The following PCDH9 variants were observed in gnomAD, a reference collection of about 807,000 sequenced individuals.
PCDH9 encodes the protein protocadherin-9.
In PCDH9, 24 loss-of-function variants were observed where a neutral mutation model predicts 70.6. That is an observed-to-expected ratio of 0.34 (90% CI 0.25 to 0.48). The LOEUF is 0.48. Among genes scored for constraint, PCDH9 ranks in the 20% least tolerant of loss-of-function variants. The pLI, the probability that PCDH9 is intolerant of heterozygous loss-of-function variation, is 0.99. For synonymous variants in PCDH9, 562 were observed against 558.5 expected (o/e 1.01, Z -0.09); for missense variants, 1,281 against 1,503.6 (o/e 0.85, Z 2.45).
intron 3 of PCDH9, among the ~76,000 whole-genome samples, chr13:66,678,197 A>G (rs1211415420): frequency 6.6e-6 from 1 of 152,028 alleles, no homozygotes; most frequent in East Asian, 1.9e-4. Context: ...CATTGGCCTT[A>G]GCTTTCTCTT....
intron 3 of PCDH9, among the ~76,000 whole-genome samples, chr13:66,779,873 A>ATATATGTGTGTGTG (rs375882917): frequency 8.6e-6 from 1 of 115,878 alleles, no homozygotes; most frequent in Non-Finnish European, 1.7e-5. Context: ...ATATACATAT[A>ATATATGTGTGTGTG]TGTGTGTGTG....
chr13:66,446,069 T>C (rs73207673), intron 4 of PCDH9, among the ~76,000 whole-genome samples: 2,225 of 152,022 alleles, frequency 0.015, 21 homozygotes, highest in Non-Finnish European at 0.023. Context: ...GAAAGAATTA[T>C]AACGTTCAAA....
intron 4 of PCDH9, among the ~76,000 whole-genome samples, chr13:66,346,091 G>A (rs1050167213): frequency 7.2e-5 from 11 of 152,118 alleles, no homozygotes; most frequent in Admixed American, 2.0e-4. Context: ...ACTGGCAGGC[G>A]CAGTGATTTG....
chr13:66,639,520 A>G (rs1248919676), intron 3 of PCDH9, among the ~76,000 whole-genome samples: 1 of 152,224 alleles, frequency 6.6e-6, no homozygotes, highest in Non-Finnish European at 1.5e-5. Context: ...ACTAGCATCT[A>G]TCATGTGAAA....
In PCDH9 at chr13:66,566,519, A is replaced by G. The variant is rs146967775; in HGVS notation, c.3340+64691T>C. 6.2e-4 allele frequency among the ~76,000 whole-genome samples: 95 copies of G among 152,322 alleles called. No homozygotes were observed. The East Asian group carries it at 0.018, about 28-fold the overall frequency. On this transcript the variant is annotated intron_variant, in intron 4 of 4. Transcript: ENST00000377865. ...ATAGATCACTTCTCTTTCTTCACAC[A>G]AAACAGCTAGGCAGTGTAAAGGTAA...
chr13:67,002,606 A>G (rs984639938), intron 2 of PCDH9, among the ~76,000 whole-genome samples: 1 of 151,932 alleles, frequency 6.6e-6, no homozygotes, highest in Non-Finnish European at 1.5e-5. Context: ...TTTAGAGATC[A>G]ATAATGATCT....
intron 4 of PCDH9, among the ~76,000 whole-genome samples, chr13:66,394,882 G>T (rs1957076054): frequency 6.6e-6 from 1 of 152,044 alleles, no homozygotes; most frequent in South Asian, 2.1e-4. Flanking sequence ...AAAATGAAGA[G>T]AATATTCTAT....
At chr13:66,536,934 C>T (rs892467860) in intron 4 of PCDH9, among the ~76,000 whole-genome samples, 13 of 152,162 alleles carry the variant, frequency 8.5e-5, no homozygotes, top group South Asian at 6.3e-4. Flanking sequence ...ACTCAGTCAA[C>T]GAATTTTAGG....
At chr13:66,983,881 C>G (rs1298390732) in intron 2 of PCDH9, among the ~76,000 whole-genome samples, 1 of 151,662 alleles carries the variant, frequency 6.6e-6, no homozygotes, top group Non-Finnish European at 1.5e-5. Context: ...CACCCTCAGG[C>G]AGGCCCCAGT....
intron 4 of PCDH9, among the ~76,000 whole-genome samples, chr13:66,500,940 A>G (rs1959173928): frequency 6.6e-6 from 1 of 152,118 alleles, no homozygotes. Flanking sequence ...GAGATTAAGC[A>G]TAACAAAAAA....
chr13:66,386,216 T>C (rs1381309931), intron 4 of PCDH9, among the ~76,000 whole-genome samples: 1 of 152,188 alleles, frequency 6.6e-6, no homozygotes, highest in East Asian at 1.9e-4. Context: ...TATAATTCAC[T>C]ATTATTTTAT....
intron 3 of PCDH9, among the ~76,000 whole-genome samples, chr13:66,653,925 G>A (rs2077888632): frequency 6.7e-6 from 1 of 149,062 alleles, no homozygotes. Flanking sequence ...CTGAGATCGT[G>A]CCACTGCACT....
chr13:67,122,814 T>C (rs2086903287), intron 2 of PCDH9, among the ~76,000 whole-genome samples: 1 of 150,296 alleles, frequency 6.7e-6, no homozygotes, highest in South Asian at 2.1e-4. Flanking sequence ...ATAATAATCC[T>C]TTTTAGCTCA....
chr13:66,870,946 T>C (rs2139507604), intron 3 of PCDH9, among the ~76,000 whole-genome samples: 1 of 152,284 alleles, frequency 6.6e-6, no homozygotes, highest in African/African-American at 2.4e-5. Context: ...CACTTATGTT[T>C]ACTGCGGCAC....
intron 2 of PCDH9, among the ~76,000 whole-genome samples, chr13:67,114,757 A>G (rs1386667026): frequency 1.3e-5 from 2 of 152,206 alleles, no homozygotes; most frequent in Non-Finnish European, 2.9e-5. Flanking sequence ...GAGGGGAGAT[A>G]AATGTAGAAA....
intron 2 of PCDH9, among the ~76,000 whole-genome samples, chr13:66,975,673 A>T (rs977083628): frequency 1.3e-5 from 2 of 151,998 alleles, no homozygotes; most frequent in African/African-American, 4.8e-5. Context: ...TGTATCATTA[A>T]TGCTCTCATT....
At chr13:66,624,856 A>G (rs184146716) in intron 4 of PCDH9, among the ~76,000 whole-genome samples, 44 of 152,350 alleles carry the variant, frequency 2.9e-4, no homozygotes, top group African/African-American at 1.1e-3. Flanking sequence ...GAAAGAGGAA[A>G]TAAAATGTGA....
intron 4 of PCDH9, among the ~76,000 whole-genome samples, chr13:66,403,387 C>T (rs906375504): frequency 6.6e-6 from 1 of 151,820 alleles, no homozygotes; most frequent in Admixed American, 6.6e-5. Context: ...GCTCAAGCAA[C>T]CTGTCTGCTT....
At chr13:66,321,770 G>C (rs779198893) in intron 4 of PCDH9, among the ~76,000 whole-genome samples, 4 of 151,976 alleles carry the variant, frequency 2.6e-5, no homozygotes, top group Non-Finnish European at 5.9e-5. Flanking sequence ...CCCTATAAGA[G>C]TTAAAGTTAC....
Sources: gnomAD v4.1 joint callset for allele counts (sites outside exome capture counted in the v4.1 genomes callset) on GRCh38, gnomAD v4.1.1 for gene constraint, MANE v1.5 for transcripts, NCBI Gene and HGNC (gene_info 2026-07-23, HGNC 2026-07-21) for gene names.